The following HMGCS2 variants were observed in gnomAD, a reference collection of about 807,000 sequenced individuals.
HMGCS2 encodes the protein 3-hydroxy-3-methylglutaryl-CoA synthase 2.
HMGCS2 carries 50 observed loss-of-function variants against 57.4 expected under a neutral mutation model. The ratio of observed to expected loss-of-function variants is 0.87; its 90% CI spans 0.69 to 1.10. HMGCS2 has a LOEUF of 1.10. Among genes scored for constraint, HMGCS2 ranks in the 50% least tolerant of loss-of-function variants. HMGCS2 has a pLI of 0.00. For synonymous variants in HMGCS2, 254 were observed against 245.1 expected, an observed-to-expected ratio of 1.04 and a Z score of -0.34; for missense variants, 627 against 636.5, an observed-to-expected ratio of 0.99 and a Z score of 0.16.
At chr1:119,756,565 G>C (rs587729575) in intron 5 of HMGCS2, among the ~76,000 whole-genome samples, 12 of 152,268 alleles carry the variant, frequency 7.9e-5, no homozygotes, top group African/African-American at 2.9e-4. Flanking sequence ...GAAATAAACA[G>C]GTACCAAGAA....
At chr1:119,759,427 T>C (rs1652961533) in intron 3 of HMGCS2, 145 bp from the exon 4 acceptor site, 1 of 791,618 alleles carries the variant, frequency 1.3e-6, no homozygotes, top group Non-Finnish European at 2.1e-6. Flanking sequence ...CCCTTGCATA[T>C]TCAAAAGGAG....
intron 2 of HMGCS2, among the ~76,000 whole-genome samples, chr1:119,762,575 C>T (rs1406464141): frequency 6.6e-6 from 1 of 152,102 alleles, no homozygotes; most frequent in Non-Finnish European, 1.5e-5. Context: ...AGAGCCACTC[C>T]CTCCCACCTG....
chr1:119,756,967 A>T (rs1557990696), intron 5 of HMGCS2, among the ~76,000 whole-genome samples: 1 of 151,488 alleles, frequency 6.6e-6, no homozygotes, highest in African/African-American at 2.4e-5. Flanking sequence ...TGATTTAGCT[A>T]CTCTCTTTCT....
rs1423575599 is a variant in HMGCS2 at position 119,755,430 on chromosome 1, GAC to G, written c.1182_1183del (p.Ser395ProfsTer63). ...TGGAGCCAGATGCAGTACTCACTGG[GAC>G]AGAAGCGAGGCCAGGCACCCGTACA... On this transcript the variant is annotated frameshift_variant, in exon 6 of 10. Transcript: ENST00000369406. LOFTEE classifies it high-confidence loss of function. The G allele has an allele frequency of 6.2e-7, 1 of 1,613,928 alleles. No individual in the cohort carries two copies. The highest frequency in any genetic ancestry group is 1.7e-5 in the Admixed American group (1 of 60,006).
At chr1:119,749,306 G>A (rs750618550) in intron 9 of HMGCS2, among the ~76,000 whole-genome samples, 4 of 151,974 alleles carry the variant, frequency 2.6e-5, no homozygotes, top group Admixed American at 6.5e-5. Flanking sequence ...GGAGGCTGAC[G>A]TGGAAATTCT....
intron 7 of HMGCS2, among the ~76,000 whole-genome samples, chr1:119,752,899 T>C (rs948126045): frequency 3.3e-5 from 5 of 152,204 alleles, no homozygotes; most frequent in Admixed American, 6.5e-5. Context: ...AGTACTTAAA[T>C]GCATGTCCTT....
chr1:119,767,532 T>A (rs1461855520), intron 1 of HMGCS2, among the ~76,000 whole-genome samples: 2 of 152,212 alleles, frequency 1.3e-5, no homozygotes, highest in Non-Finnish European at 2.9e-5. Context: ...AAGCAGATGC[T>A]GAGATGAAAG....
Position 119,764,260 on chromosome 1 carries a change from A to C in HMGCS2, c.471T>G (p.Ile157Met). ...ELFQDSGNTD[I>M]EGIDTTNACY... is the part of the protein sequence containing the mutation. Reference sequence around the variant, plus strand: ...AGGCATTGGTGGTATCTATGCCCTCAATATCAGTATTGCCTGAATCCTGGA... The same window carrying C: ...AGGCATTGGTGGTATCTATGCCCTCCATATCAGTATTGCCTGAATCCTGGA... Residue 157 changes from isoleucine (I) to methionine (M), a missense_variant, in exon 2 of 10, where the codon ATT (isoleucine) becomes ATG (methionine). Ile to Met is a conservative substitution (Grantham distance 10). Coordinates refer to ENST00000369406, the MANE Select transcript of HMGCS2 (RefSeq NM_005518.4). The C allele has an allele frequency of 1.2e-6, 2 of 1,614,204 alleles. No individual in the cohort carries two copies. Among genetic ancestry groups the C allele is most frequent in the Non-Finnish European group, 1.7e-6 (2 of 1,180,036 alleles).
rs756299700 is a variant in HMGCS2 at position 119,764,130 on chromosome 1, A to G, written c.559+42T>C. ...CAAAACTGGTAATATTCAGCCTCCA[A>G]TTCCAGCACCTTTCTTACATAAGGT... is the stretch of plus-strand genomic sequence containing the variant. On this transcript the variant is annotated intron_variant, in intron 2 of 9. Coordinates refer to ENST00000369406, the MANE Select transcript of HMGCS2 (RefSeq NM_005518.4). 6 of 1,586,318 alleles carry G rather than the reference A, an allele frequency of 3.8e-6. No homozygotes were observed. In the Admixed American group the frequency reaches 5.0e-5, roughly 13 times the overall value.
chr1:119,754,919 C>T (rs938137095), intron 6 of HMGCS2, among the ~76,000 whole-genome samples: 6 of 152,246 alleles, frequency 3.9e-5, no homozygotes, highest in South Asian at 2.1e-4. Context: ...AGACCACTGT[C>T]TGATACAGAC....
chr1:119,763,036 A>G (rs1160214111), intron 2 of HMGCS2, among the ~76,000 whole-genome samples: 5 of 152,152 alleles, frequency 3.3e-5, no homozygotes, highest in Admixed American at 3.3e-4. Flanking sequence ...TAATACAAGT[A>G]TCAAGTAGGA....
chr1:119,753,433 AC>A, intron 6 of HMGCS2, 47 bp from the exon 7 acceptor site: 1 of 819,510 alleles, frequency 1.2e-6, no homozygotes. Flanking sequence ...ACACACACAC[AC>A]ACACACACAC....
chr1:119,753,786 G>A (rs1005750309), intron 6 of HMGCS2, among the ~76,000 whole-genome samples: 9 of 151,950 alleles, frequency 5.9e-5, no homozygotes, highest in Middle Eastern at 6.8e-3. Flanking sequence ...CTCCCATGTT[G>A]ATTGGTAATG....
In HMGCS2 at chr1:119,752,814, G is replaced by C. The variant is rs1652707926; in HGVS notation, c.1295-140C>G. 4.3e-6 allele frequency: 4 copies of C among 933,624 alleles called. No homozygotes were observed. In the Admixed American group the frequency reaches 7.5e-5, roughly 18 times the overall value. 57.8% of individuals were successfully genotyped at this position (933,624 alleles called of 1,614,324 possible). ...TGGTGTGTGTGGCTTAGAATACCAA[G>C]AAATGATAAGCAAGCATACTTGTTA... On this transcript the variant is annotated intron_variant, in intron 7 of 9. Coordinates refer to ENST00000369406, the MANE Select transcript of HMGCS2 (RefSeq NM_005518.4).
intron 5 of HMGCS2, among the ~76,000 whole-genome samples, chr1:119,756,771 G>A (rs1306515851): frequency 2.0e-5 from 3 of 152,316 alleles, no homozygotes; most frequent in East Asian, 3.9e-4. Context: ...TGGCAAATGA[G>A]AATGGGACCT....
At chr1:119,763,484 A>G (rs1163684215) in intron 2 of HMGCS2, among the ~76,000 whole-genome samples, 1 of 152,188 alleles carries the variant, frequency 6.6e-6, no homozygotes, top group Non-Finnish European at 1.5e-5. Context: ...TGAGGCTCAA[A>G]GAGGTTCAGG....
At position 119,752,606 on chromosome 1, in the gene HMGCS2, C is replaced by A; in HGVS notation, c.1363G>T (p.Val455Leu). ...ATTTCTGTGAACTCCTCAGGAGACA[C>A]ACACTTTCGGGAGGCTAGGCGTTTT... ...LPKRLASRKC[V>L]SPEEFTEIMN... Residue 455 changes from valine to leucine, a missense_variant, in exon 8 of 10, where the codon GTG (valine) becomes TTG (leucine). By Grantham distance (32) the Val-to-Leu change is conservative (BLOSUM62 1). Transcript: ENST00000369406. 6.2e-7 allele frequency: 1 copy of A among 1,614,104 alleles called. No individual in the cohort carries two copies. The highest frequency in any genetic ancestry group is 8.5e-7 in the Non-Finnish European group (1 of 1,179,968).
intron 2 of HMGCS2, among the ~76,000 whole-genome samples, chr1:119,760,923 C>A (rs1300110219): frequency 1.3e-5 from 2 of 151,980 alleles, no homozygotes; most frequent in Non-Finnish European, 2.9e-5. Context: ...TGCCCAAAAA[C>A]CACATAGCTA....
chr1:119,759,404 GC>G, intron 3 of HMGCS2, 122 bp from the exon 4 acceptor site: 1 of 947,052 alleles, frequency 1.1e-6, no homozygotes, highest in Non-Finnish European at 1.7e-6. Context: ...CCAAGTTCAA[GC>G]CCATTCAACA....
Sources: allele counts gnomAD v4.1 joint callset (sites outside exome capture counted in the v4.1 genomes callset), GRCh38; gene constraint gnomAD v4.1.1; transcripts MANE v1.5; gene names NCBI Gene and HGNC (gene_info 2026-07-23, HGNC 2026-07-21).